Variants in TAF1C observed in about 807,000 individuals in gnomAD.
TAF1C encodes the protein TATA box-binding protein-associated factor RNA polymerase I subunit C.
Under a neutral mutation model 70.5 loss-of-function variants are expected in TAF1C, and 79 were observed. That is an observed-to-expected ratio of 1.12 (90% CI 0.93 to 1.35). The LOEUF (loss-of-function observed/expected upper bound fraction) is 1.35, where lower values mean the gene tolerates loss of function less well. Ranked by LOEUF, TAF1C falls within the 40% of genes most tolerant of loss-of-function variation. The pLI is 0.00. For missense variants in TAF1C, 1,412 were observed against 1,127.8 expected, an observed-to-expected ratio of 1.25 and a Z score of -3.61; for synonymous variants, 614 against 491.1, an observed-to-expected ratio of 1.25 and a Z score of -3.31.
intron 1 of TAF1C, chr16:84,185,398 C>T: frequency 6.4e-6 from 1 of 157,326 alleles, no homozygotes; most frequent in Non-Finnish European, 1.4e-5. Context: ...CCAGAGTGAG[C>T]GAGGTGGAGA....
Position 84,177,922 on chromosome 16 carries a change from G to C in TAF1C, c.*1019C>G. On this transcript the variant is annotated 3_prime_UTR_variant, in exon 15 of 15. Coordinates refer to ENST00000566732, the MANE Select transcript of TAF1C (RefSeq NM_001243156.2). The stretch of plus-strand genomic sequence containing the variant: ...ATGATAAACATTTTAACACCCACGC[G>C]AGTCAGTGTATGATTGGGCTAGCTC... The C allele has an allele frequency of 5.1e-6, 6 of 1,186,774 alleles. No individual in the cohort carries two copies. Among genetic ancestry groups the C allele is most frequent in the Non-Finnish European group, 7.5e-6 (6 of 801,022 alleles). 73.5% of individuals were successfully genotyped at this position (1,186,774 alleles called of 1,614,324 possible).
intron 2 of TAF1C, 71 bp from the exon 3 acceptor site, chr16:84,183,849 T>A: frequency 8.4e-7 from 1 of 1,197,552 alleles, no homozygotes; most frequent in Non-Finnish European, 1.2e-6. Context: ...TGCACAGGCA[T>A]TCATCTCTTA....
chr16:84,186,205 G>T (rs1196481142), intron 1 of TAF1C, among the ~76,000 whole-genome samples: 2 of 152,188 alleles, frequency 1.3e-5, no homozygotes, highest in Non-Finnish European at 2.9e-5. Context: ...CCGAACCAGT[G>T]CTCTCGCATG....
In TAF1C at chr16:84,179,181, G is replaced by A. The variant is rs760542876; in HGVS notation, c.2292C>T (p.Pro764=). ...WPPADALPLP[P]TTPPSQELTP... ...TCAACTCCTGGGAGGGCGGGGTCGT[G>A]GGGGGCAGGGGCAGAGCATCAGCAG... Residue 764 remains proline (P), a synonymous_variant, in exon 15 of 15, where the codon CCC becomes CCT. Transcript: ENST00000566732. 14 of 1,592,072 alleles carry A rather than the reference G, an allele frequency of 8.8e-6. No homozygotes were observed. In the African/African-American group the frequency reaches 1.5e-4, roughly 17 times the overall value.
Position 84,179,453 on chromosome 16 carries a change from G to A in TAF1C, c.2020C>T (p.Leu674Phe), listed in dbSNP as rs1367082653. 2 of 1,597,500 alleles carry A rather than the reference G, an allele frequency of 1.3e-6. No homozygotes were observed. Among genetic ancestry groups the A allele is most frequent in the Non-Finnish European group, 1.7e-6 (2 of 1,176,916 alleles). Residue 674 changes from leucine (L) to phenylalanine (F), a missense_variant, in exon 15 of 15, where the codon CTC (leucine) becomes TTC (phenylalanine). By Grantham distance (22) the Leu-to-Phe change is conservative. Transcript: ENST00000566732. ...QLLLQRDLGS[L>F]PAAEPPPAPE... ...GCAGGGGGTGGCTCTGCCGCAGGGA[G>A]GGAGCCCAGGTCTCTCTGCAGCAGG...
At chr16:84,180,386 G>A (rs1447867957) in intron 12 of TAF1C, 42 bp from the exon 13 acceptor site, 3 of 1,525,772 alleles carry the variant, frequency 2.0e-6, no homozygotes, top group Non-Finnish European at 2.6e-6. Context: ...GAACTTGGGA[G>A]CTGAGCTGTG....
Position 84,181,170 on chromosome 16 carries a change from C to A in TAF1C, c.1181G>T (p.Gly394Val). The change falls in exon 12 of 15, where the codon GGT becomes GTT. Residue 394 changes from glycine to valine, a missense_variant. Coordinates refer to ENST00000566732, the MANE Select transcript of TAF1C (RefSeq NM_001243156.2). Reference sequence around the variant, plus strand: ...TGCCCCCAAACGAAAAAGCAACAGACCACAGCCCGGCGGGCCCTGGAAGAT... The same window carrying A: ...TGCCCCCAAACGAAAAAGCAACAGAACACAGCCCGGCGGGCCCTGGAAGAT... The part of the protein sequence containing the change: ...MLDTQGPPGC[G>V]LLLFRLGAEA... The A allele has an allele frequency of 6.2e-7, 1 of 1,609,706 alleles. No individual in the cohort carries two copies. The highest frequency in any genetic ancestry group is 1.1e-5 in the South Asian group (1 of 90,986).
chr16:84,178,653 C>A lies in TAF1C; in HGVS notation c.*288G>T. On this transcript the variant is annotated 3_prime_UTR_variant, in exon 15 of 15. Coordinates refer to ENST00000566732, the MANE Select transcript of TAF1C (RefSeq NM_001243156.2). Reference sequence around the variant, plus strand: ...CCCCCACAGCTGAGGCGCAGCGGAGCCCTGCCTCCCAGCACAGACTAAAAT... The same window carrying A: ...CCCCCACAGCTGAGGCGCAGCGGAGACCTGCCTCCCAGCACAGACTAAAAT... 1 of 492,428 alleles carries A rather than the reference C, an allele frequency of 2.0e-6. No homozygotes were observed. Among genetic ancestry groups the A allele is most frequent in the South Asian group, 2.0e-5 (1 of 49,094 alleles). 30.5% of individuals were successfully genotyped at this position (492,428 alleles called of 1,614,324 possible). A position where few individuals can be genotyped will look rare whatever the true frequency, so the allele number is the denominator to read the frequency against.
At chr16:84,185,226 A>G in intron 1 of TAF1C, 166 bp from the exon 2 acceptor site, 1 of 419,862 alleles carries the variant, frequency 2.4e-6, no homozygotes. Context: ...TGGTTTCAGC[A>G]AAGCCAGCCA....
intron 12 of TAF1C, chr16:84,180,823 C>T (rs1212689051): frequency 4.4e-6 from 6 of 1,370,736 alleles, no homozygotes; most frequent in African/African-American, 1.5e-5. Context: ...GGCTGCACCT[C>T]GAAGCTCTAC....
At chr16:84,181,886 AG>A in intron 8 of TAF1C, 23 bp from the exon 9 acceptor site, 1 of 1,614,148 alleles carries the variant, frequency 6.2e-7, no homozygotes, top group East Asian at 2.2e-5. Context: ...GGAAAGGGCC[AG>A]GGGTCAGGTA....
In TAF1C at chr16:84,181,423, G is replaced by A. The variant is rs145922842; in HGVS notation, c.1069C>T (p.Arg357Trp). 9.2e-5 allele frequency: 149 copies of A among 1,613,730 alleles called. No individual in the cohort carries two copies. Among genetic ancestry groups the A allele is most frequent in the Non-Finnish European group, 1.2e-4 (142 of 1,180,010 alleles). The change falls in exon 11 of 15, where the codon CGG becomes TGG. Residue 357 changes from arginine to tryptophan, a missense_variant. Arg to Trp is a moderately radical substitution (Grantham distance 101). Coordinates refer to ENST00000566732, the MANE Select transcript of TAF1C (RefSeq NM_001243156.2). ...IYRDPETLVF[R>W]DSSSWRWADF... ...GCCCAACGCCACGAAGAGGAGTCCC[G>A]GAACACGAGGGTCTCAGGGTCCCTG... is the stretch of plus-strand genomic sequence containing the variant.
At position 84,179,026 on chromosome 16, in the gene TAF1C, C is replaced by T; in HGVS notation, c.2447G>A (p.Ser816Asn). 1 of 1,610,746 alleles carries T rather than the reference C, an allele frequency of 6.2e-7. No homozygotes were observed. Among genetic ancestry groups the T allele is most frequent in the Non-Finnish European group, 8.5e-7 (1 of 1,179,950 alleles). Reference sequence around the variant, plus strand: ...CTGCTGGGAGCGAGTGGCCCGGACGCTGGAGGCCTGGGAGTGGGGAGGTGT... The same window carrying T: ...CTGCTGGGAGCGAGTGGCCCGGACGTTGGAGGCCTGGGAGTGGGGAGGTGT... Reference protein sequence around the residue: ...ATTPPHSQASSVRATRSQQHT... With the variant: ...ATTPPHSQASNVRATRSQQHT... The change falls in exon 15 of 15, where the codon AGC (serine) becomes AAC (asparagine). Residue 816 changes from serine (S) to asparagine (N), a missense_variant. Ser to Asn is a conservative substitution (Grantham distance 46). Transcript: ENST00000566732.
Position 84,182,526 on chromosome 16 carries a change from C to T in TAF1C, c.483-86G>A. 1 of 1,240,434 alleles carries T rather than the reference C, an allele frequency of 8.1e-7. No individual in the cohort carries two copies. Among genetic ancestry groups the T allele is most frequent in the Non-Finnish European group, 1.1e-6 (1 of 904,972 alleles). The allele number at this position is 1,240,434 out of a possible 1,614,324, so 76.8% of individuals were successfully genotyped here. On this transcript the variant is annotated intron_variant, in intron 6 of 14. Coordinates refer to ENST00000566732, the MANE Select transcript of TAF1C (RefSeq NM_001243156.2). This position sits in a 1 kb window ranked among gnomAD's most constrained non-coding sequence, Gnocchi z 5.0. Reference sequence around the variant, plus strand: ...TCCCAAGGAGGCCAAGTGCAGTGGACACATTTCTTATTTACCTAGAATTTC... The same window carrying T: ...TCCCAAGGAGGCCAAGTGCAGTGGATACATTTCTTATTTACCTAGAATTTC...
chr16:84,182,416 G>A lies in TAF1C; in HGVS notation c.507C>T (p.Asn169=). Residue 169 remains asparagine, a synonymous_variant, in exon 7 of 15, where the codon AAC becomes AAT. Transcript: ENST00000566732. The surrounding 1 kb of genome is among the most constrained non-coding windows in gnomAD (Gnocchi z 5.0). ...PWGCPWAYLS[N]RQRRFSILGG... The stretch of plus-strand genomic sequence containing the variant: ...CGAGGATAGAGAAGCGGCGCTGTCG[G>A]TTGCTGAGGTAAGCCCAGGGACACC... 2 of 1,603,604 alleles carry A rather than the reference G, an allele frequency of 1.2e-6. No individual in the cohort carries two copies.
Position 84,182,541 on chromosome 16 carries a change from C to T in TAF1C, c.483-101G>A, listed in dbSNP as rs907242117. Reference sequence around the variant, plus strand: ...GTGCAGTGGACACATTTCTTATTTACCTAGAATTTCTTCCTTTGGGAGACC... The same window carrying T: ...GTGCAGTGGACACATTTCTTATTTATCTAGAATTTCTTCCTTTGGGAGACC... On this transcript the variant is annotated intron_variant, in intron 6 of 14. Transcript: ENST00000566732. The surrounding 1 kb of genome is among the most constrained non-coding windows in gnomAD (Gnocchi z 5.0). 4 of 1,148,596 alleles carry T rather than the reference C, an allele frequency of 3.5e-6. No individual in the cohort carries two copies. In the African/African-American group the frequency reaches 6.2e-5, roughly 18 times the overall value. 71.2% of individuals were successfully genotyped at this position (1,148,596 alleles called of 1,614,324 possible). A position where few individuals can be genotyped will look rare whatever the true frequency, so the allele number is the denominator to read the frequency against.
chr16:84,180,778 C>T lies in TAF1C; in HGVS notation c.1308+265G>A, dbSNP rs1385163091. 1.2e-5 allele frequency: 16 copies of T among 1,339,138 alleles called. No individual in the cohort carries two copies. In the East Asian group the frequency reaches 4.2e-4, roughly 35 times the overall value. 83.0% of individuals were successfully genotyped at this position (1,339,138 alleles called of 1,614,324 possible). A position where few individuals can be genotyped will look rare whatever the true frequency, so the allele number is the denominator to read the frequency against. ...AACTCTCCAGCTCTGCACGGAAGCC[C>T]CACCCCGAGGCCCCTCCTCCCCTGC... On this transcript the variant is annotated intron_variant, in intron 12 of 14. Transcript: ENST00000566732.
At position 84,181,969 on chromosome 16, in the gene TAF1C, C is replaced by T; in HGVS notation, c.811G>A (p.Val271Met). 8.7e-6 allele frequency: 14 copies of T among 1,613,972 alleles called. No homozygotes were observed. Among genetic ancestry groups the T allele is most frequent in the Non-Finnish European group, 1.2e-5 (14 of 1,180,032 alleles). The change falls in exon 8 of 15, where the codon GTG becomes ATG. Residue 271 changes from valine to methionine, a missense_variant. Transcript: ENST00000566732. The part of the protein sequence containing the change: ...RIQLQGPVRQ[V>M]VTCTVQGETL... ...TCTCCCTGGACGGTGCATGTCACCA[C>T]TTGCCGGACAGGTCCCTGGAGCTGG...
At chr16:84,180,786 A>G in intron 12 of TAF1C, 1 of 1,316,992 alleles carries the variant, frequency 7.6e-7, no homozygotes, top group Admixed American at 3.4e-5. Flanking sequence ...CCCCACCCCG[A>G]GGCCCCTCCT....
Sources: gnomAD v4.1 joint callset for allele counts (sites outside exome capture counted in the v4.1 genomes callset) on GRCh38, gnomAD v4.1.1 for gene constraint, Gnocchi (gnomAD v3.1) non-coding constraint, MANE v1.5 for transcripts, NCBI Gene and HGNC (gene_info 2026-07-23, HGNC 2026-07-21) for gene names.